The following ADAMTSL1 variants were observed in gnomAD, a reference collection of about 807,000 sequenced individuals.
The protein encoded by ADAMTSL1 is ADAMTS-like protein 1.
In ADAMTSL1, 126 loss-of-function variants were observed where a neutral mutation model predicts 201.8. The ratio of observed to expected loss-of-function variants is 0.62; its 90% CI spans 0.54 to 0.72. The LOEUF (loss-of-function observed/expected upper bound fraction) is 0.72. Ranked by LOEUF, ADAMTSL1 falls within the 30% of genes least tolerant of loss-of-function variation. The pLI is 0.00. For synonymous variants in ADAMTSL1, 1,121 were observed against 903.4 expected, an observed-to-expected ratio of 1.24 and a Z score of -4.32; for missense variants, 2,679 against 2,277.8, an observed-to-expected ratio of 1.18 and a Z score of -3.59.
chr9:18,653,736 A>G (rs1423704809), intron 7 of ADAMTSL1, among the ~76,000 whole-genome samples: 1 of 152,208 alleles, frequency 6.6e-6, no homozygotes, highest in Admixed American at 6.5e-5. Context: ...TATAGAGGTA[A>G]AGTTGGGTAC....
At chr9:18,561,500 T>C (rs1213336643) in intron 3 of ADAMTSL1, among the ~76,000 whole-genome samples, 1 of 152,198 alleles carries the variant, frequency 6.6e-6, no homozygotes, top group Non-Finnish European at 1.5e-5. Context: ...AGAACGTATA[T>C]ACTGTTGATT....
At chr9:18,029,420 G>C (rs1023904002) in intron 1 of ADAMTSL1, among the ~76,000 whole-genome samples, 2 of 152,084 alleles carry the variant, frequency 1.3e-5, no homozygotes, top group Non-Finnish European at 2.9e-5. Flanking sequence ...AGACTTACAT[G>C]TTACACCTAA....
chr9:18,206,561 C>T (rs560048688), intron 2 of ADAMTSL1, among the ~76,000 whole-genome samples: 1 of 152,140 alleles, frequency 6.6e-6, no homozygotes, highest in South Asian at 2.1e-4. Context: ...TCTTCACACT[C>T]CTGAAACACT....
intron 15 of ADAMTSL1, among the ~76,000 whole-genome samples, chr9:18,747,710 T>C (rs1286214276): frequency 6.6e-6 from 1 of 152,226 alleles, no homozygotes. Context: ...GGTGACCATG[T>C]GTGATGTCAG....
At chr9:18,324,837 A>C (rs1834766245) in intron 2 of ADAMTSL1, among the ~76,000 whole-genome samples, 2 of 152,282 alleles carry the variant, frequency 1.3e-5, no homozygotes, top group South Asian at 4.1e-4. Flanking sequence ...TGAAAATATA[A>C]AAGTAAGCCA....
intron 1 of ADAMTSL1, among the ~76,000 whole-genome samples, chr9:17,944,540 C>T (rs1156539828): frequency 1.3e-5 from 2 of 151,088 alleles, no homozygotes; most frequent in Non-Finnish European, 1.5e-5. Flanking sequence ...AAGCTGGAGG[C>T]ATCACACTAC....
At chr9:18,857,849 G>A (rs767232499) in intron 23 of ADAMTSL1, among the ~76,000 whole-genome samples, 4 of 152,118 alleles carry the variant, frequency 2.6e-5, no homozygotes, top group Non-Finnish European at 5.9e-5. Context: ...TGCAGCCAAT[G>A]TGACTTTAAG....
In ADAMTSL1 at chr9:18,097,969, T is replaced by C. The variant is rs146846100; in HGVS notation, c.88-65893T>C. ...AAGTTTTATAGTTTTAGCTTTTAGGTTTAGGTTAGTGATCCATTTTGAATT... is the reference window on the plus strand; with the variant it reads ...AAGTTTTATAGTTTTAGCTTTTAGGCTTAGGTTAGTGATCCATTTTGAATT... On this transcript the variant is annotated intron_variant, in intron 1 of 29. Coordinates refer to the ADAMTSL1 transcript ENST00000680146. Among the ~76,000 whole-genome samples the C allele has an allele frequency of 1.4e-3, 213 of 152,052 alleles. 2 individuals carry two copies. The highest frequency in any genetic ancestry group is 4.8e-3 in the African/African-American group (198 of 41,522).
chr9:18,575,720 A>C (rs146340765), intron 4 of ADAMTSL1, among the ~76,000 whole-genome samples: 72 of 152,302 alleles, frequency 4.7e-4, no homozygotes, highest in Admixed American at 1.3e-3. Flanking sequence ...TCCATTTTAG[A>C]AGTGAAAAAA....
chr9:18,599,863 T>C (rs1418025623), intron 4 of ADAMTSL1, among the ~76,000 whole-genome samples: 1 of 151,282 alleles, frequency 6.6e-6, no homozygotes, highest in Non-Finnish European at 1.5e-5. Context: ...CCTTTAAAAA[T>C]CAGATCTGGC....
intron 2 of ADAMTSL1, among the ~76,000 whole-genome samples, chr9:18,387,222 A>T (rs1837833043): frequency 6.6e-6 from 1 of 152,168 alleles, no homozygotes; most frequent in Non-Finnish European, 1.5e-5. Context: ...AAATATTTAA[A>T]TATATAAAAT....
intron 2 of ADAMTSL1, among the ~76,000 whole-genome samples, chr9:18,220,773 AC>A (rs1236023139): frequency 8.1e-5 from 12 of 148,576 alleles, no homozygotes; most frequent in African/African-American, 2.7e-4. Flanking sequence ...TTAAATTGTT[AC>A]TCCTAATTTT....
At chr9:18,056,534 A>C (rs1822192831) in intron 1 of ADAMTSL1, among the ~76,000 whole-genome samples, 1 of 152,148 alleles carries the variant, frequency 6.6e-6, no homozygotes, top group African/African-American at 2.4e-5. Flanking sequence ...CGGTATAAAC[A>C]ACACATAGGG....
intron 2 of ADAMTSL1, among the ~76,000 whole-genome samples, chr9:18,291,706 CTCTCTCTCTT>C (rs1197798145): frequency 0.013 from 1,852 of 141,972 alleles, 41 homozygotes; most frequent in African/African-American, 0.049. Context: ...TGCTCTCTCT[CTCTCTCTCTT>C]TCTCTCTCTC....
intron 1 of ADAMTSL1, among the ~76,000 whole-genome samples, chr9:17,992,233 A>G (rs1819185966): frequency 1.3e-5 from 2 of 152,112 alleles, no homozygotes. Flanking sequence ...GGCAGAGGTC[A>G]AGCTAGGGTA....
chr9:18,769,436 T>C (rs1820556179), intron 16 of ADAMTSL1, among the ~76,000 whole-genome samples: 1 of 152,186 alleles, frequency 6.6e-6, no homozygotes, highest in African/African-American at 2.4e-5. Context: ...TAGTCGTGGG[T>C]TGAACTCTTA....
intron 1 of ADAMTSL1, among the ~76,000 whole-genome samples, chr9:17,931,973 G>C (rs1373516858): frequency 6.6e-6 from 1 of 152,200 alleles, no homozygotes; most frequent in Non-Finnish European, 1.5e-5. Flanking sequence ...CCGCAATGTA[G>C]AGGCTGTGTG....
intron 10 of ADAMTSL1, among the ~76,000 whole-genome samples, chr9:18,679,529 A>T (rs912692042): frequency 2.6e-5 from 4 of 152,172 alleles, no homozygotes; most frequent in East Asian, 1.9e-4. Flanking sequence ...AAATGTTTTG[A>T]CAATATTGTT....
chr9:18,284,666 T>G (rs1260016052), intron 2 of ADAMTSL1, among the ~76,000 whole-genome samples: 1 of 152,206 alleles, frequency 6.6e-6, no homozygotes, highest in African/African-American at 2.4e-5. Flanking sequence ...GAATTTTTGT[T>G]TAACATAAAG....
Sources: allele counts gnomAD v4.1 joint callset (sites outside exome capture counted in the v4.1 genomes callset), GRCh38; gene constraint gnomAD v4.1.1; transcripts MANE v1.5; gene names NCBI Gene and HGNC (gene_info 2026-07-23, HGNC 2026-07-21).